Variants in ACYP2 observed in about 807,000 individuals in gnomAD.
ACYP2 encodes acylphosphatase 2.
Under a neutral mutation model 11.2 loss-of-function variants are expected in ACYP2, and 12 were observed. The observed-to-expected ratio is 1.08, with a 90% CI of 0.69 to 1.74. The LOEUF (loss-of-function observed/expected upper bound fraction) is 1.74. Ranked by LOEUF, ACYP2 falls within the 40% of genes most tolerant of loss-of-function variation. The pLI is 0.00. For synonymous variants in ACYP2, 43 were observed against 32.2 expected, an observed-to-expected ratio of 1.33 and a Z score of -1.13; for missense variants, 134 against 101.9, an observed-to-expected ratio of 1.31 and a Z score of -1.35.
At chr2:54,020,782 T>C (rs922465982) in intron 2 of ACYP2, among the ~76,000 whole-genome samples, 1 of 152,232 alleles carries the variant, frequency 6.6e-6, no homozygotes, top group Non-Finnish European at 1.5e-5. Flanking sequence ...TTGTTTCTTG[T>C]TTAATTTTAG....
intron 6 of ACYP2, among the ~76,000 whole-genome samples, chr2:54,179,345 A>G (rs755295164): frequency 4.6e-5 from 7 of 152,100 alleles, no homozygotes; most frequent in Non-Finnish European, 7.4e-5. Context: ...TTCTGACACT[A>G]TCTACTTGGA....
intron 4 of ACYP2, among the ~76,000 whole-genome samples, chr2:54,132,590 A>C (rs1680971716): frequency 6.6e-6 from 1 of 152,204 alleles, no homozygotes; most frequent in Non-Finnish European, 1.5e-5. Context: ...AACCAGGCTT[A>C]ACTGCTGTAT....
intron 4 of ACYP2, among the ~76,000 whole-genome samples, chr2:54,110,419 A>G (rs183525390): frequency 6.6e-6 from 1 of 152,342 alleles, no homozygotes; most frequent in African/African-American, 2.4e-5. Context: ...GTCAGCCTAC[A>G]TTCAAAGTTC....
intron 4 of ACYP2, among the ~76,000 whole-genome samples, chr2:54,088,266 T>G (rs533110522): frequency 6.6e-6 from 1 of 152,288 alleles, no homozygotes; most frequent in African/African-American, 2.4e-5. Flanking sequence ...AAAGCCAGCA[T>G]GAGGTCATGT....
intron 6 of ACYP2, among the ~76,000 whole-genome samples, chr2:54,202,459 G>GTGCAATGGCTCGATCTCACCTCGC (rs1684885859): frequency 7.3e-6 from 1 of 137,066 alleles, no homozygotes; most frequent in Non-Finnish European, 1.5e-5. Flanking sequence ...CCAGTCTGGA[G>GTGCAATGGCTCGATCTCACCTCGC]TGCAATGGCT....
At chr2:53,990,626 G>A (rs1040518931) in intron 2 of ACYP2, among the ~76,000 whole-genome samples, 1 of 135,740 alleles carries the variant, frequency 7.4e-6, no homozygotes, top group Non-Finnish European at 1.5e-5. Flanking sequence ...TCCAGCCTGG[G>A]AGACAAGAGC....
rs142939043 is a variant in ACYP2 at position 54,254,620 on chromosome 2, G to A, written c.405-50068G>A. The A allele has an allele frequency of 2.7e-4, 78 of 291,596 alleles. 1 individual carries two copies. The East Asian group carries it at 5.0e-3, about 19-fold the overall frequency. 18.1% of individuals were successfully genotyped at this position (291,596 alleles called of 1,614,324 possible). ...ACCAGAGGTCCTGGGAACAAACCGA[G>A]TCCAAACAAAGGTAAATACAGTGTA... On this transcript the variant is annotated intron_variant, in intron 6 of 6. Coordinates refer to ENST00000607452, the MANE Select transcript of ACYP2 (RefSeq NM_001320586.2).
intron 6 of ACYP2, among the ~76,000 whole-genome samples, chr2:54,269,833 CAT>C (rs1688203211): frequency 6.6e-6 from 1 of 152,122 alleles, no homozygotes; most frequent in Admixed American, 6.5e-5. Context: ...TAACAATTTT[CAT>C]TTGTTTTTCT....
chr2:54,266,136 C>T (rs1396872913), intron 6 of ACYP2, among the ~76,000 whole-genome samples: 1 of 152,126 alleles, frequency 6.6e-6, no homozygotes, highest in East Asian at 1.9e-4. Context: ...TACAGAACAC[C>T]TTCAAAATAA....
At chr2:53,976,054 C>T (rs990266773) in intron 2 of ACYP2, among the ~76,000 whole-genome samples, 1 of 152,040 alleles carries the variant, frequency 6.6e-6, no homozygotes, top group Admixed American at 6.6e-5. Flanking sequence ...CTTTGATGTG[C>T]TTATTGGAAC....
chr2:54,024,989 C>T (rs1268690807), intron 2 of ACYP2, among the ~76,000 whole-genome samples: 1 of 152,088 alleles, frequency 6.6e-6, no homozygotes, highest in African/African-American at 2.4e-5. Flanking sequence ...CATTTTACAA[C>T]AGCTGCAAAA....
chr2:54,095,518 C>A (rs1337316598), intron 4 of ACYP2, among the ~76,000 whole-genome samples: 1 of 147,232 alleles, frequency 6.8e-6, no homozygotes. Flanking sequence ...GGGGGGCTGA[C>A]CCCCCCACCT....
At chr2:54,150,500 T>C (rs1186004938) in intron 6 of ACYP2, among the ~76,000 whole-genome samples, 1 of 152,138 alleles carries the variant, frequency 6.6e-6, no homozygotes, top group Non-Finnish European at 1.5e-5. Flanking sequence ...CGGCTCATTG[T>C]AGTCTCTGCC....
chr2:54,115,990 T>G (rs1572788667), intron 4 of ACYP2, among the ~76,000 whole-genome samples: 1 of 150,494 alleles, frequency 6.6e-6, no homozygotes, highest in African/African-American at 2.5e-5. Context: ...AGAGGAGGGG[T>G]CAGGGGACTG....
rs1044694878 is a variant in ACYP2 at position 54,249,218 on chromosome 2, G to A, written c.405-55470G>A. On this transcript the variant is annotated intron_variant, in intron 6 of 6. Coordinates refer to ENST00000607452, the MANE Select transcript of ACYP2 (RefSeq NM_001320586.2). ...ATAATATTCAGGAAGGGGACTCCTG[G>A]GACTGCCAATAATGTAGACAAGAGG... Among the ~76,000 whole-genome samples the A allele has an allele frequency of 6.6e-5, 10 of 152,060 alleles. 1 individual carries two copies. Among genetic ancestry groups the A allele is most frequent in the Admixed American group, 3.9e-4 (6 of 15,270 alleles).
At chr2:54,067,661 A>G (rs1284655399) in intron 4 of ACYP2, among the ~76,000 whole-genome samples, 1 of 152,208 alleles carries the variant, frequency 6.6e-6, no homozygotes, top group Non-Finnish European at 1.5e-5. Context: ...ACTGTACCTA[A>G]AATTATTTTT....
chr2:54,132,436 A>G (rs748694635), intron 4 of ACYP2, among the ~76,000 whole-genome samples: 1 of 152,148 alleles, frequency 6.6e-6, no homozygotes, highest in Non-Finnish European at 1.5e-5. Context: ...CATTTGTGAT[A>G]CTATCCTGTC....
intron 2 of ACYP2, among the ~76,000 whole-genome samples, chr2:53,985,130 C>T (rs1356263544): frequency 1.2e-4 from 17 of 146,980 alleles, no homozygotes; most frequent in East Asian, 2.0e-4. Context: ...AGCACAGTGG[C>T]GCAATTTCCG....
chr2:54,134,229 G>C (rs1681092260), intron 4 of ACYP2, among the ~76,000 whole-genome samples: 1 of 152,080 alleles, frequency 6.6e-6, no homozygotes, highest in Non-Finnish European at 1.5e-5. Context: ...GGAGTTTGAG[G>C]GGGCAGTGAG....
Sources: gnomAD v4.1 joint callset for allele counts (sites outside exome capture counted in the v4.1 genomes callset) on GRCh38, gnomAD v4.1.1 for gene constraint, MANE v1.5 for transcripts, NCBI Gene and HGNC (gene_info 2026-07-23, HGNC 2026-07-21) for gene names.